The following CSDE1 variants were observed in gnomAD, a reference collection of about 807,000 sequenced individuals.
CSDE1 encodes the protein cold shock domain-containing protein E1.
CSDE1 carries 17 observed loss-of-function variants against 89.3 expected under a neutral mutation model. That is an observed-to-expected ratio of 0.19 (90% CI 0.13 to 0.29). CSDE1 has a LOEUF of 0.29. Ranked by LOEUF, CSDE1 falls within the 10% of genes least tolerant of loss-of-function variation. The probability of loss-of-function intolerance (pLI) is 1.00; values close to 1 mark genes in which losing one functional copy is unlikely to be tolerated. For synonymous variants in CSDE1, 322 were observed against 332.8 expected, an observed-to-expected ratio of 0.97 and a Z score of 0.35; for missense variants, 672 against 984.2, an observed-to-expected ratio of 0.68 and a Z score of 4.24.
intron 17 of CSDE1, 93 bp downstream of exon 17, chr1:114,720,446 G>T: frequency 8.2e-7 from 1 of 1,214,012 alleles, no homozygotes; most frequent in Non-Finnish European, 1.1e-6. Context: ...ACGAATGAAT[G>T]TTGATGATTT....
intron 2 of CSDE1, among the ~76,000 whole-genome samples, chr1:114,746,367 C>T (rs1661010354): frequency 6.6e-6 from 1 of 152,032 alleles, no homozygotes; most frequent in Non-Finnish European, 1.5e-5. Flanking sequence ...ATCACATTAG[C>T]GAAATCAGGT....
intron 6 of CSDE1, among the ~76,000 whole-genome samples, chr1:114,734,832 T>C (rs1185850910): frequency 6.6e-6 from 1 of 152,210 alleles, no homozygotes; most frequent in Admixed American, 6.5e-5. Context: ...TGTTTTTCTA[T>C]TTCAACAAAA....
Position 114,733,809 on chromosome 1 carries a change from T to C in CSDE1, c.760A>G (p.Ile254Val). The C allele has an allele frequency of 6.2e-7, 1 of 1,614,014 alleles. No individual in the cohort carries two copies. Among genetic ancestry groups the C allele is most frequent in the Non-Finnish European group, 8.5e-7 (1 of 1,179,934 alleles). ...DVRLLPQGTV[I>V]FEDISIEHFE... Reference sequence around the variant, plus strand: ...TGTTCAATGCTGATATCTTCAAAAATGACTGTTCCTTGAGGCAATAGTCTG... The same window carrying C: ...TGTTCAATGCTGATATCTTCAAAAACGACTGTTCCTTGAGGCAATAGTCTG... The change falls in exon 9 of 20, where the codon ATT (isoleucine) becomes GTT (valine). Residue 254 changes from isoleucine to valine, a missense_variant. This residue lies in a region of CSDE1 where 169 missense variants were observed against 262.9 expected (regional missense o/e 0.64). Coordinates refer to ENST00000358528, the MANE Select transcript of CSDE1 (RefSeq NM_001007553.3).
At position 114,722,537 on chromosome 1, in the gene CSDE1, T is replaced by G. The variant is rs1659585589; in HGVS notation, c.1873+1346A>C. Among the ~76,000 whole-genome samples, 4 of 152,352 alleles carry G rather than the reference T, an allele frequency of 2.6e-5. No homozygotes were observed. The South Asian group carries it at 8.3e-4, about 32-fold the overall frequency. ...TCTTACCAAGTGGGAAAATGTAATC[T>G]GTCTAGTCCCGGGCTTAGAGATGCC... On this transcript the variant is annotated intron_variant, in intron 16 of 19. Transcript: ENST00000358528.
chr1:114,727,112 CAG>C, intron 12 of CSDE1, 22 bp from the exon 13 acceptor site: 3 of 1,526,256 alleles, frequency 2.0e-6, no homozygotes, highest in Non-Finnish European at 2.7e-6. Flanking sequence ...CAGTCAAAAA[CAG>C]AATGAAAACA....
chr1:114,737,648 T>A (rs1660476433), intron 4 of CSDE1, 85 bp from the exon 5 acceptor site: 11 of 967,060 alleles, frequency 1.1e-5, no homozygotes, highest in Non-Finnish European at 1.8e-5. Flanking sequence ...TAATATCCTC[T>A]ATACTATATA....
chr1:114,753,809 G>A (rs906128223), intron 1 of CSDE1, among the ~76,000 whole-genome samples: 2 of 152,042 alleles, frequency 1.3e-5, no homozygotes, highest in Non-Finnish European at 2.9e-5. Context: ...CCAGCTACTC[G>A]GGAAGCTGAG....
intron 2 of CSDE1, among the ~76,000 whole-genome samples, chr1:114,744,697 T>TA (rs909576966): frequency 3.4e-4 from 51 of 151,538 alleles, no homozygotes; most frequent in East Asian, 9.7e-4. Context: ...TGAAATCAAT[T>TA]AAAAAAAAAT....
At position 114,718,005 on chromosome 1, in the gene CSDE1, T is replaced by A. The variant is rs1321741201; in HGVS notation, c.*164A>T. The A allele has an allele frequency of 4.7e-6, 3 of 639,772 alleles. No individual in the cohort carries two copies. The highest frequency in any genetic ancestry group is 3.7e-5 in the African/African-American group (2 of 53,972). The allele number at this position is 639,772 out of a possible 1,614,324, so 39.6% of individuals were successfully genotyped here. On this transcript the variant is annotated 3_prime_UTR_variant, in exon 20 of 20. Coordinates refer to ENST00000358528, the MANE Select transcript of CSDE1 (RefSeq NM_001007553.3). ...AAAATGGTTTTCTTAAATTTATTTA[T>A]TTTTTTAAACATAACACGAGGAAGG...
intron 16 of CSDE1, 95 bp downstream of exon 16, chr1:114,723,788 A>T: frequency 6.4e-7 from 1 of 1,556,932 alleles, no homozygotes; most frequent in South Asian, 1.1e-5. Context: ...TTTAAACCTA[A>T]AAACAACTGC....
In CSDE1 at chr1:114,733,978, G is replaced by T; in HGVS notation, c.711+11C>A. Reference sequence around the variant, plus strand: ...TAAAAGGCCAAAGATCAAGTTAACTGACTGTCTTACATTTCTGTCCTTGAT... The same window carrying T: ...TAAAAGGCCAAAGATCAAGTTAACTTACTGTCTTACATTTCTGTCCTTGAT... On this transcript the variant is annotated intron_variant, in intron 8 of 19. Coordinates refer to ENST00000358528, the MANE Select transcript of CSDE1 (RefSeq NM_001007553.3). 6.2e-7 allele frequency: 1 copy of T among 1,608,804 alleles called. No individual in the cohort carries two copies. The highest frequency in any genetic ancestry group is 8.5e-7 in the Non-Finnish European group (1 of 1,178,546).
chr1:114,717,864 C>T lies in CSDE1; in HGVS notation c.*305G>A. On this transcript the variant is annotated 3_prime_UTR_variant, in exon 20 of 20. Coordinates refer to ENST00000358528, the MANE Select transcript of CSDE1 (RefSeq NM_001007553.3). ...TAACAGTCTATATTTTTCACTTACA[C>T]AGGCAAAGTGGATTCTGCAATTACC... is the stretch of plus-strand genomic sequence containing the variant. 2.8e-6 allele frequency: 1 copy of T among 355,542 alleles called. No homozygotes were observed. Among genetic ancestry groups the T allele is most frequent in the Non-Finnish European group, 5.1e-6 (1 of 197,260 alleles). The allele number at this position is 355,542 out of a possible 1,614,324, so 22.0% of individuals were successfully genotyped here.
chr1:114,735,109 T>C (rs749355972), intron 6 of CSDE1, among the ~76,000 whole-genome samples: 10 of 152,198 alleles, frequency 6.6e-5, no homozygotes, highest in Non-Finnish European at 1.2e-4. Flanking sequence ...TTAAAAGTAA[T>C]GATATCCACC....
In CSDE1 at chr1:114,719,725, A is replaced by G. The variant is rs1412883186; in HGVS notation, c.2070T>C (p.Tyr690=). The change falls in exon 18 of 20, where the codon TAT becomes TAC. Residue 690 remains tyrosine (Y), a synonymous_variant. Coordinates refer to ENST00000358528, the MANE Select transcript of CSDE1 (RefSeq NM_001007553.3). ...AGAGCTTCTTGCTATCTCCTACTTC[A>G]TAGTTAATGAAGCCAAACTGAAAAA... ...CVKDQFGFIN[Y]EVGDSKKLFF... 6.2e-7 allele frequency: 1 copy of G among 1,610,990 alleles called. No homozygotes were observed.
intron 12 of CSDE1, among the ~76,000 whole-genome samples, chr1:114,728,519 G>C (rs1401990995): frequency 6.6e-6 from 1 of 152,050 alleles, no homozygotes; most frequent in Non-Finnish European, 1.5e-5. Flanking sequence ...CTAGGGTACT[G>C]TTGGACTAAG....
At chr1:114,756,962 C>A (rs1212346154) in intron 1 of CSDE1, 1 of 152,192 alleles carries the variant, frequency 6.6e-6, no homozygotes, top group Non-Finnish European at 1.5e-5. Flanking sequence ...AAGCTGTCTC[C>A]GACGGGGGAA....
chr1:114,727,140 A>C, intron 12 of CSDE1, 50 bp from the exon 13 acceptor site: 1 of 1,280,688 alleles, frequency 7.8e-7, no homozygotes, highest in Non-Finnish European at 1.1e-6. Context: ...AAGAACAAAA[A>C]CCAATAAAAA....
chr1:114,755,422 G>A (rs1256694837), intron 1 of CSDE1, among the ~76,000 whole-genome samples: 2 of 152,240 alleles, frequency 1.3e-5, no homozygotes, highest in East Asian at 3.9e-4. Context: ...GCAAATCAAC[G>A]GATAGCTTAC....
intron 3 of CSDE1, among the ~76,000 whole-genome samples, chr1:114,738,396 AT>A (rs1381340969): frequency 6.6e-6 from 1 of 152,096 alleles, no homozygotes; most frequent in Non-Finnish European, 1.5e-5. Flanking sequence ...TTTTTATGGC[AT>A]TTACACATAC....
Sources: gnomAD v4.1 joint callset for allele counts (sites outside exome capture counted in the v4.1 genomes callset) on GRCh38, gnomAD v4.1.1 for gene constraint, gnomAD v4.1.1 regional missense constraint, MANE v1.5 for transcripts, NCBI Gene and HGNC (gene_info 2026-07-23, HGNC 2026-07-21) for gene names.